SLC39A4: variants seen among roughly 807,000 people sequenced by gnomAD.
The protein encoded by SLC39A4 is solute carrier family 39 member 4.
SLC39A4 carries 49 observed loss-of-function variants against 56.6 expected under a neutral mutation model. The observed-to-expected ratio is 0.87, with a 90% CI of 0.69 to 1.10. The LOEUF is 1.10. Among genes scored for constraint, SLC39A4 ranks in the 50% least tolerant of loss-of-function variants. The pLI is 0.00. For synonymous variants in SLC39A4, 540 were observed against 420.4 expected (o/e 1.28, Z -3.48); for missense variants, 993 against 864.2 (o/e 1.15, Z -1.87).
chr8:144,414,558 TG>T, intron 5 of SLC39A4, 124 bp from the exon 6 acceptor site: 1 of 1,499,950 alleles, frequency 6.7e-7, no homozygotes, highest in Non-Finnish European at 9.0e-7. Context: ...CTGACCCTCC[TG>T]CCTCAAAGCC....
Position 144,412,938 on chromosome 8 carries a change from C to A in SLC39A4, c.1636G>T (p.Ala546Ser). ...GACAGCCCCGCGTGCAGCAAGGCGG[C>A]GAAGTCCCCTGCGGGCGAGTCCACA... ...HELPHELGDF[A>S]ALLHAGLSVR... is the part of the protein sequence containing the mutation. The change falls in exon 11 of 12, where the codon GCC (alanine) becomes TCC (serine). Residue 546 changes from alanine to serine, a missense_variant. Ala to Ser is a moderately conservative substitution (Grantham distance 99). Coordinates refer to ENST00000301305, the MANE Select transcript of SLC39A4 (RefSeq NM_130849.4). The A allele has an allele frequency of 6.2e-7, 1 of 1,600,952 alleles. No individual in the cohort carries two copies. The highest frequency in any genetic ancestry group is 8.5e-7 in the Non-Finnish European group (1 of 1,177,914).
At position 144,413,756 on chromosome 8, in the gene SLC39A4, T is replaced by C. The variant is rs1554872585; in HGVS notation, c.1413A>G (p.Ala471=). The part of the protein sequence containing the change: ...QPKPPHEGSR[A]DLVAEESPEL... ...GCATCTGGCGCCCACTCACCAGGTCTGCGCGGGAGCCCTCGTGGGGGGGCT... is the reference window on the plus strand; with the variant it reads ...GCATCTGGCGCCCACTCACCAGGTCCGCGCGGGAGCCCTCGTGGGGGGGCT... The change falls in exon 8 of 12, where the codon GCA becomes GCG. Residue 471 remains alanine, a synonymous_variant. Transcript: ENST00000301305. 1 of 1,538,288 alleles carries C rather than the reference T, an allele frequency of 6.5e-7. No individual in the cohort carries two copies. The highest frequency in any genetic ancestry group is 2.4e-5 in the East Asian group (1 of 41,272).
chr8:144,416,839 G>T lies in SLC39A4; in HGVS notation c.-50C>A. ...GGTGTTGCTGTGGCCAAGGCCCAGT[G>T]CTTCTGGGCTGGCTGAGGGCGGCTT... is the stretch of plus-strand genomic sequence containing the variant. On this transcript the variant is annotated 5_prime_UTR_variant, in exon 1 of 12. Coordinates refer to ENST00000301305, the MANE Select transcript of SLC39A4 (RefSeq NM_130849.4). 1 of 1,562,412 alleles carries T rather than the reference G, an allele frequency of 6.4e-7. No homozygotes were observed. The highest frequency in any genetic ancestry group is 1.2e-5 in the South Asian group (1 of 85,880).
At chr8:144,416,553 C>T (rs376832107) in intron 1 of SLC39A4, 45 bp downstream of exon 1, 82 of 1,541,736 alleles carry the variant, frequency 5.3e-5, no homozygotes, top group Non-Finnish European at 6.4e-5. Flanking sequence ...GCGGAGCTGG[C>T]GGGAAGAGGC....
chr8:144,413,786 C>G lies in SLC39A4; in HGVS notation c.1383G>C (p.Gln461His). Residue 461 changes from glutamine to histidine, a missense_variant, in exon 8 of 12, where the codon CAG (glutamine) becomes CAC (histidine). Coordinates refer to ENST00000301305, the MANE Select transcript of SLC39A4 (RefSeq NM_130849.4). ...SLQLAPSELR[Q>H]PKPPHEGSRA... ...GGGAGCCCTCGTGGGGGGGCTTGGG[C>G]TGCCGGAGCTCGCTGGGTGCCAGCT... 2 of 1,550,344 alleles carry G rather than the reference C, an allele frequency of 1.3e-6. No homozygotes were observed. The highest frequency in any genetic ancestry group is 1.7e-6 in the Non-Finnish European group (2 of 1,153,490).
intron 9 of SLC39A4, 54 bp downstream of exon 9, chr8:144,413,459 C>T: frequency 6.4e-7 from 1 of 1,572,166 alleles, no homozygotes; most frequent in Non-Finnish European, 8.6e-7. Flanking sequence ...CCCACCCGCG[C>T]TCCACACAAA....
At chr8:144,412,707 C>T in intron 11 of SLC39A4, 41 bp from the exon 12 acceptor site, 1 of 1,613,462 alleles carries the variant, frequency 6.2e-7, no homozygotes, top group Non-Finnish European at 8.5e-7. Flanking sequence ...CCCTGCTCAG[C>T]TCCTCTGCTC....
rs781893329 is a variant in SLC39A4 at position 144,413,837 on chromosome 8, C to T, written c.1332G>A (p.Gly444=). ...GCAGGGACACACCGTGGCTGTGGCC[C>T]CCGTGGCTATGGCTGCTGTGGCCGC... is the stretch of plus-strand genomic sequence containing the variant. The part of the protein sequence containing the change: ...GPCGHSSHSH[G]GHSHGVSLQL... Residue 444 remains glycine (G), a synonymous_variant, in exon 8 of 12, where the codon GGG becomes GGA. Transcript: ENST00000301305. 6.9e-6 allele frequency: 11 copies of T among 1,594,856 alleles called. No individual in the cohort carries two copies. The Middle Eastern group carries it at 6.1e-4, about 88-fold the overall frequency.
rs1379354123 is a variant in SLC39A4, at chr8:144,413,334, G to C, written c.1530C>G (p.Ala510=). 2 of 1,606,110 alleles carry C rather than the reference G, an allele frequency of 1.2e-6. No individual in the cohort carries two copies. Among genetic ancestry groups the C allele is most frequent in the South Asian group, 1.1e-5 (1 of 90,700 alleles). The part of the protein sequence containing the change: ...ITLGDAVHNF[A]DGLAVGAAFA... ...AGGCGGCGCCCACGGCCAGCCCGTC[G>C]GCGAAGTTGTGCACGGCGTCGCCCA... is the stretch of plus-strand genomic sequence containing the variant. Residue 510 remains alanine (A), a synonymous_variant, in exon 10 of 12, where the codon GCC becomes GCG. Transcript: ENST00000301305.
Position 144,415,833 on chromosome 8 carries a change from C to T in SLC39A4, c.451G>A (p.Ala151Thr), listed in dbSNP as rs782671469. 1.3e-6 allele frequency: 2 copies of T among 1,594,920 alleles called. No individual in the cohort carries two copies. Among genetic ancestry groups the T allele is most frequent in the Non-Finnish European group, 1.7e-6 (2 of 1,175,654 alleles). Reference protein sequence around the residue: ...SWLLQRMQARAAGQTPKMACV... With the variant: ...SWLLQRMQARTAGQTPKMACV... ...ACCATCTTGGGGGTCTGGCCGGCAG[C>T]CCGGGCCTGCATCCTCTGCAGCAGC... The change falls in exon 2 of 12, where the codon GCT becomes ACT. Residue 151 changes from alanine to threonine, a missense_variant. By Grantham distance (58) the Ala-to-Thr change is moderately conservative (BLOSUM62 0). Coordinates refer to ENST00000301305, the MANE Select transcript of SLC39A4 (RefSeq NM_130849.4).
In SLC39A4 at chr8:144,415,943, G is replaced by A; in HGVS notation, c.341C>T (p.Ala114Val). ...LSNPEGTCED[A>V]RAGLWASHAD... ...ATGAGAGGCCCAGAGGCCAGCCCGAGCGTCCTCACAGGTGCCCTCGGGGTT... is the reference window on the plus strand; with the variant it reads ...ATGAGAGGCCCAGAGGCCAGCCCGAACGTCCTCACAGGTGCCCTCGGGGTT... The change falls in exon 2 of 12, where the codon GCT becomes GTT. Residue 114 changes from alanine (A) to valine (V), a missense_variant. By Grantham distance (64) the Ala-to-Val change is moderately conservative. Transcript: ENST00000301305. The A allele has an allele frequency of 6.3e-7, 1 of 1,596,554 alleles. No individual in the cohort carries two copies. The highest frequency in any genetic ancestry group is 8.5e-7 in the Non-Finnish European group (1 of 1,174,076).
In SLC39A4 at chr8:144,414,993, C is replaced by G; in HGVS notation, c.785G>C (p.Ser262Thr). ...DPVPLISSSNSSSVWDTVCLS... is the reference protein window; with the variant it reads ...DPVPLISSSNTSSVWDTVCLS... ...GCTCACCGTGTCCCACACACTGGAG[C>G]TGTTGCTGGAGCTGATGAGGGGCAC... The change falls in exon 4 of 12, where the codon AGC becomes ACC. Residue 262 changes from serine to threonine, a missense_variant. Transcript: ENST00000301305. 2 of 1,612,520 alleles carry G rather than the reference C, an allele frequency of 1.2e-6. No individual in the cohort carries two copies.
At position 144,413,489 on chromosome 8, in the gene SLC39A4, T is replaced by G. The variant is rs782634411; in HGVS notation, c.1474+24A>C. 58 of 1,559,316 alleles carry G rather than the reference T, an allele frequency of 3.7e-5. No homozygotes were observed. In the African/African-American group the frequency reaches 6.7e-4, roughly 18 times the overall value. ...CACAAACCCCAGATCCCCCAGCCCT[T>G]CCGGGGTCGCCCCCTGGGCTCACCT... On this transcript the variant is annotated intron_variant, in intron 9 of 11. Coordinates refer to ENST00000301305, the MANE Select transcript of SLC39A4 (RefSeq NM_130849.4).
rs1350583319 is a variant in SLC39A4, at chr8:144,414,314, C to T, written c.1097G>A (p.Ser366Asn). ...VTHYILQTFL[S>N]LAVGAVTGDA... ...CCCAGTGACTGCACCCACTGCCAGG[C>T]TCAGGAAGGTCTGCAGGATGTAGTG... Residue 366 changes from serine (S) to asparagine (N), a missense_variant, in exon 6 of 12, where the codon AGC becomes AAC. Transcript: ENST00000301305. The T allele has an allele frequency of 1.9e-6, 3 of 1,605,242 alleles. No homozygotes were observed. Among genetic ancestry groups the T allele is most frequent in the Non-Finnish European group, 2.5e-6 (3 of 1,177,242 alleles).
rs1554872768 is a variant in SLC39A4 at position 144,413,978 on chromosome 8, G to C, written c.1267C>G (p.Leu423Val). ...FFLFENLFNL[L>V]LPRDPEDLED... is the part of the protein sequence containing the mutation. ...CTGACCTCCGGGTCCCTGGGCAGCA[G>C]GAGATTGAAGAGGTTCTCAAACAGG... Residue 423 changes from leucine (L) to valine (V), a missense_variant, in exon 7 of 12, where the codon CTG (leucine) becomes GTG (valine). Transcript: ENST00000301305. 1 of 1,609,938 alleles carries C rather than the reference G, an allele frequency of 6.2e-7. No individual in the cohort carries two copies. Among genetic ancestry groups the C allele is most frequent in the Admixed American group, 1.7e-5 (1 of 59,622 alleles).
Position 144,412,964 on chromosome 8 carries a change from T to C in SLC39A4, c.1628-18A>G. The C allele has an allele frequency of 6.3e-7, 1 of 1,581,460 alleles. No homozygotes were observed. Among genetic ancestry groups the C allele is most frequent in the East Asian group, 2.3e-5 (1 of 43,724 alleles). On this transcript the variant is annotated intron_variant, in intron 10 of 11. Coordinates refer to ENST00000301305, the MANE Select transcript of SLC39A4 (RefSeq NM_130849.4). ...GAAGTCCCCTGCGGGCGAGTCCACATTAACAGCTCCGCCCTCCTAGCTACA... is the reference window on the plus strand; with the variant it reads ...GAAGTCCCCTGCGGGCGAGTCCACACTAACAGCTCCGCCCTCCTAGCTACA...
chr8:144,414,601 G>A (rs1330793983), intron 5 of SLC39A4, 124 bp downstream of exon 5: 2 of 1,506,660 alleles, frequency 1.3e-6, no homozygotes, highest in Non-Finnish European at 1.8e-6. Context: ...CTTCCCCTGT[G>A]TCTGTTGTTT....
chr8:144,415,747 G>A lies in SLC39A4; in HGVS notation c.474+63C>T, dbSNP rs561067121. 985 of 1,512,632 alleles carry A rather than the reference G, an allele frequency of 6.5e-4. 5 individuals carry two copies. In the African/African-American group the frequency reaches 9.9e-3, roughly 15 times the overall value. 93.7% of individuals were successfully genotyped at this position (1,512,632 alleles called of 1,614,324 possible). On this transcript the variant is annotated intron_variant, in intron 2 of 11. Transcript: ENST00000301305. ...TCCCCGAAGGCTTTGCAGCCAGGCC[G>A]GGTCCCATGGGCCGTGGGACCCTCC...
Position 144,412,616 on chromosome 8 carries a change from C to G in SLC39A4, c.1866G>C (p.Leu622=), listed in dbSNP as rs141794438. Reference sequence around the variant, plus strand: ...CGCCCAGCAGGCCCACGTTGTGCAGCAGGAAGAGGAGCCAGGGCCGCGGGT... The same window carrying G: ...CGCCCAGCAGGCCCACGTTGTGCAGGAGGAAGAGGAGCCAGGGCCGCGGGT... ...VRDPRPWLLF[L]LHNVGLLGGW... is the part of the protein sequence containing the mutation. Residue 622 remains leucine, a synonymous_variant, in exon 12 of 12, where the codon CTG becomes CTC. Transcript: ENST00000301305. The G allele has an allele frequency of 9.9e-6, 16 of 1,614,052 alleles. No homozygotes were observed. Among genetic ancestry groups the G allele is most frequent in the Non-Finnish European group, 1.3e-5 (15 of 1,180,038 alleles).
Sources: gnomAD v4.1 joint callset for allele counts on GRCh38, gnomAD v4.1.1 for gene constraint, MANE v1.5 for transcripts, NCBI Gene and HGNC (gene_info 2026-07-23, HGNC 2026-07-21) for gene names.